ZNF629: variants seen among roughly 807,000 people sequenced by gnomAD.
ZNF629 encodes the protein zinc finger protein 629.
In ZNF629, 9 loss-of-function variants were observed where a neutral mutation model predicts 59.7. That is an observed-to-expected ratio of 0.15 (90% CI 0.09 to 0.26). The LOEUF is 0.26. Among genes scored for constraint, ZNF629 ranks in the 10% least tolerant of loss-of-function variants. The pLI is 1.00. For synonymous variants in ZNF629, 509 were observed against 498.9 expected (o/e 1.02, Z -0.27); for missense variants, 853 against 1,165.4 (o/e 0.73, Z 3.90).
chr16:30,782,378 G>A lies in ZNF629; in HGVS notation c.1950C>T (p.Phe650=), dbSNP rs1596777213. The A allele has an allele frequency of 6.3e-7, 1 of 1,580,708 alleles. No individual in the cohort carries two copies. The highest frequency in any genetic ancestry group is 8.6e-7 in the Non-Finnish European group (1 of 1,163,306). Residue 650 remains phenylalanine (F), a synonymous_variant, in exon 3 of 3, where the codon TTC becomes TTT. Coordinates refer to ENST00000262525, the MANE Select transcript of ZNF629 (RefSeq NM_001080417.3). Reference sequence around the variant, plus strand: ...AGGACAGCAGCCCCCGCCTCTGGCTGAAGCCCTCCTGACCCTCCGGCGGCT... The same window carrying A: ...AGGACAGCAGCCCCCGCCTCTGGCTAAAGCCCTCCTGACCCTCCGGCGGCT... ...PLKPPEGQEG[F]SQRRGLLSSK...
At position 30,781,928 on chromosome 16, in the gene ZNF629, G is replaced by C; in HGVS notation, c.2400C>G (p.Asp800Glu). 6.5e-7 allele frequency: 1 copy of C among 1,536,236 alleles called. No individual in the cohort carries two copies. The highest frequency in any genetic ancestry group is 8.8e-7 in the Non-Finnish European group (1 of 1,141,584). ...ACAGGGTGACTGCCTCTGGAGGGGG[G>C]TCCTCGGGATTGGGGGGTTTTTCCT... ...HTQEKPPNPE[D>E]PPPEAVTLST... Residue 800 changes from aspartate (D) to glutamate (E), a missense_variant, in exon 3 of 3, where the codon GAC becomes GAG. Transcript: ENST00000262525.
rs770704576 is a variant in ZNF629 at position 30,782,579 on chromosome 16, G to C, written c.1749C>G (p.Ile583Met). Residue 583 changes from isoleucine to methionine, a missense_variant, in exon 3 of 3, where the codon ATC (isoleucine) becomes ATG (methionine). Coordinates refer to ENST00000262525, the MANE Select transcript of ZNF629 (RefSeq NM_001080417.3). ...TGTGGATCCTCTGATGTTGCATGAA[G>C]ATGCCCTCGTCGTTGAAGCCCTTTC... Reference protein sequence around the residue: ...VCGKGFNDEGIFMQHQRIHIG... With the variant: ...VCGKGFNDEGMFMQHQRIHIG... 4.5e-6 allele frequency: 7 copies of C among 1,561,316 alleles called. No individual in the cohort carries two copies. The highest frequency in any genetic ancestry group is 6.1e-6 in the Non-Finnish European group (7 of 1,152,102).
chr16:30,784,290 C>T (rs945298723), intron 2 of ZNF629, 36 bp from the exon 3 acceptor site: 3 of 1,573,826 alleles, frequency 1.9e-6, no homozygotes, highest in Non-Finnish European at 2.6e-6. Flanking sequence ...CCCCCAGCCC[C>T]TTTCAGAACA....
At position 30,782,961 on chromosome 16, in the gene ZNF629, T is replaced by G; in HGVS notation, c.1367A>C (p.Lys456Thr). ...GCCGCAGTCGGAACACTTGTAGGGC[T>G]TCTCACCGGTGTGGATGCGCTGGTG... ...IRHQRIHTGE[K>T]PYKCSDCGKS... Residue 456 changes from lysine to threonine, a missense_variant, in exon 3 of 3, where the codon AAG becomes ACG. Lys to Thr is a moderately conservative substitution (Grantham distance 78). This residue lies in a region of ZNF629 where 201 missense variants were observed against 536.5 expected (regional missense o/e 0.37). Coordinates refer to ENST00000262525, the MANE Select transcript of ZNF629 (RefSeq NM_001080417.3). 6.2e-7 allele frequency: 1 copy of G among 1,613,768 alleles called. No homozygotes were observed. Among genetic ancestry groups the G allele is most frequent in the Non-Finnish European group, 8.5e-7 (1 of 1,179,950 alleles).
intron 1 of ZNF629, 33 bp from the exon 2 acceptor site, chr16:30,784,548 G>A: frequency 6.9e-7 from 1 of 1,457,598 alleles, no homozygotes; most frequent in Non-Finnish European, 9.1e-7. Context: ...GCGCACACTG[G>A]GAGCTGATTT....
Position 30,784,090 on chromosome 16 carries a change from G to A in ZNF629, c.238C>T (p.Leu80=). 2 of 1,603,642 alleles carry A rather than the reference G, an allele frequency of 1.2e-6. No individual in the cohort carries two copies. The highest frequency in any genetic ancestry group is 1.7e-6 in the Non-Finnish European group (2 of 1,177,186). ...TGGTCCAAGGGATTGGAGTGACCCA[G>A]TGGGGTTGGGGGGTTCTGGGGGACA... ...PSVPQNPPTP[L]GHSNPLDHQI... is the part of the protein sequence containing the mutation. The change falls in exon 3 of 3, where the codon CTG becomes TTG. Residue 80 remains leucine, a synonymous_variant. Coordinates refer to ENST00000262525, the MANE Select transcript of ZNF629 (RefSeq NM_001080417.3).
Position 30,783,645 on chromosome 16 carries a change from T to A in ZNF629, c.683A>T (p.His228Leu). 6.2e-7 allele frequency: 1 copy of A among 1,613,978 alleles called. No individual in the cohort carries two copies. Among genetic ancestry groups the A allele is most frequent in the Non-Finnish European group, 8.5e-7 (1 of 1,179,910 alleles). Reference protein sequence around the residue: ...SSNLVQHQRTHTGEKPYKCTE... With the variant: ...SSNLVQHQRTLTGEKPYKCTE... ...GCACTTGTAGGGCTTCTCTCCCGTG[T>A]GCGTGCGCTGGTGCTGCACCAGGTT... The change falls in exon 3 of 3, where the codon CAC becomes CTC. Residue 228 changes from histidine (H) to leucine (L), a missense_variant. By Grantham distance (99) the His-to-Leu change is moderately conservative. Around this residue, in one of 3 missense-constraint regions of ZNF629, gnomAD observed 201 missense variants for 536.5 expected, o/e 0.37. Coordinates refer to ENST00000262525, the MANE Select transcript of ZNF629 (RefSeq NM_001080417.3).
Position 30,786,726 on chromosome 16 carries a change from C to G in ZNF629, c.-34+302G>C, listed in dbSNP as rs1008809012. Among the ~76,000 whole-genome samples, 5 of 152,020 alleles carry G rather than the reference C, an allele frequency of 3.3e-5. No individual in the cohort carries two copies. The highest frequency in any genetic ancestry group is 4.1e-4 in the South Asian group (2 of 4,822). On this transcript the variant is annotated intron_variant, in intron 1 of 2. Transcript: ENST00000262525. This position sits in a 1 kb window ranked among gnomAD's most constrained non-coding sequence, Gnocchi z 4.8. Reference sequence around the variant, plus strand: ...CGCCCCTGCCCCGGCCCCCGGGGTCCCGGCTCCTTCCAGCACTGCCAGGCT... The same window carrying G: ...CGCCCCTGCCCCGGCCCCCGGGGTCGCGGCTCCTTCCAGCACTGCCAGGCT...
chr16:30,782,199 C>T lies in ZNF629; in HGVS notation c.2129G>A (p.Ser710Asn). ...TTCAGGGCATTTAAAGGGCTTCCCA[C>T]TTAAGAAGGGGCTGGGCCCTGCGCC... Reference protein sequence around the residue: ...GEGAGPSPFLSGKPFKCPECK... With the variant: ...GEGAGPSPFLNGKPFKCPECK... The change falls in exon 3 of 3, where the codon AGT becomes AAT. Residue 710 changes from serine to asparagine, a missense_variant. Physicochemically the swap from Ser to Asn is conservative, Grantham distance 46. Transcript: ENST00000262525. The T allele has an allele frequency of 1.2e-6, 2 of 1,613,690 alleles. No homozygotes were observed.
chr16:30,784,222 G>A lies in ZNF629; in HGVS notation c.106C>T (p.Arg36Trp), dbSNP rs370922677. 3.9e-5 allele frequency: 62 copies of A among 1,605,732 alleles called. No homozygotes were observed. The highest frequency in any genetic ancestry group is 5.1e-5 in the Non-Finnish European group (60 of 1,178,214). Residue 36 changes from arginine (R) to tryptophan (W), a missense_variant, in exon 3 of 3, where the codon CGG becomes TGG. Arg to Trp is a moderately radical substitution (Grantham distance 101). Coordinates refer to ENST00000262525, the MANE Select transcript of ZNF629 (RefSeq NM_001080417.3). ...ATCTCCTCCCCAGAACTTTCCTGCC[G>A]AGGGCTCTCCTCTTCGTTTTCACTC... ...AESENEEESPRQESSGEEIIM... is the reference protein window; with the variant it reads ...AESENEEESPWQESSGEEIIM...
chr16:30,784,033 C>T lies in ZNF629; in HGVS notation c.295G>A (p.Val99Ile). Reference protein sequence around the residue: ...QIPLDPPAPEVVPTPSDWTKA... With the variant: ...QIPLDPPAPEIVPTPSDWTKA... ...GTCCAGTCAGATGGGGTAGGGACTA[C>T]CTCCGGGGCTGGGGGGTCCAGGGGG... is the stretch of plus-strand genomic sequence containing the variant. The change falls in exon 3 of 3, where the codon GTA becomes ATA. Residue 99 changes from valine to isoleucine, a missense_variant. By Grantham distance (29) the Val-to-Ile change is conservative. This residue lies in a region of ZNF629 where 232 missense variants were observed against 193.4 expected (regional missense o/e 1.20). Transcript: ENST00000262525. 3 of 1,578,120 alleles carry T rather than the reference C, an allele frequency of 1.9e-6. No individual in the cohort carries two copies. Among genetic ancestry groups the T allele is most frequent in the Non-Finnish European group, 1.7e-6 (2 of 1,163,606 alleles).
rs759185714 is a variant in ZNF629, at chr16:30,782,439, G to C, written c.1889C>G (p.Ala630Gly). ...PFRGNSYPGAAEGRAEAPGQP... is the reference protein window; with the variant it reads ...PFRGNSYPGAGEGRAEAPGQP... ...TCCGGGGGCCTCCGCTCTGCCCTCC[G>C]CAGCCCCGGGGTAGGAATTCCCTCT... is the stretch of plus-strand genomic sequence containing the variant. Residue 630 changes from alanine (A) to glycine (G), a missense_variant, in exon 3 of 3, where the codon GCG (alanine) becomes GGG (glycine). By Grantham distance (60) the Ala-to-Gly change is moderately conservative (BLOSUM62 0). This residue lies in a region of ZNF629 where 420 missense variants were observed against 435.6 expected (regional missense o/e 0.96). Transcript: ENST00000262525. The C allele has an allele frequency of 1.3e-6, 2 of 1,565,482 alleles. No individual in the cohort carries two copies.
chr16:30,779,281 C>G lies in ZNF629; in HGVS notation c.*2437G>C, dbSNP rs2054261109. The stretch of plus-strand genomic sequence containing the variant: ...GCCTCCCCCCAGACTGGCCTCTGAG[C>G]CCCAAAAGCTGCTCCCCAGGCCTCT... On this transcript the variant is annotated 3_prime_UTR_variant, in exon 3 of 3. Coordinates refer to ENST00000262525, the MANE Select transcript of ZNF629 (RefSeq NM_001080417.3). The G allele has an allele frequency of 6.6e-6, 1 of 152,300 alleles. No homozygotes were observed. Among genetic ancestry groups the G allele is most frequent in the African/African-American group, 2.4e-5 (1 of 41,458 alleles). The allele number at this position is 152,300 out of a possible 1,614,324, so 9.4% of individuals were successfully genotyped here.
rs780118049 is a variant in ZNF629 at position 30,782,405 on chromosome 16, A to T, written c.1923T>A (p.Leu641=). ...AGCCCTCCTGACCCTCCGGCGGCTT[A>T]AGGGGCTGTCCGGGGGCCTCCGCTC... ...EGRAEAPGQP[L]KPPEGQEGFS... Residue 641 remains leucine, a synonymous_variant, in exon 3 of 3, where the codon CTT becomes CTA. Transcript: ENST00000262525. The T allele has an allele frequency of 3.2e-6, 5 of 1,570,046 alleles. No homozygotes were observed. The East Asian group carries it at 1.2e-4, about 37-fold the overall frequency.
Position 30,785,712 on chromosome 16 carries a change from T to A in ZNF629, c.-33-1197A>T, listed in dbSNP as rs150339626. Among the ~76,000 whole-genome samples the A allele has an allele frequency of 1.8e-3, 271 of 152,178 alleles. 1 individual carries two copies. Among genetic ancestry groups the A allele is most frequent in the Middle Eastern group, 6.8e-3 (2 of 294 alleles). ...CTGTTTCCCAAGCCTAGCCTGGCAC[T>A]GAATAGGTGCTCCAGAAACTTTGTT... On this transcript the variant is annotated intron_variant, in intron 1 of 2. Transcript: ENST00000262525.
chr16:30,786,539 G>A lies in ZNF629; in HGVS notation c.-34+489C>T, dbSNP rs149581348. 9.9e-4 allele frequency among the ~76,000 whole-genome samples: 151 copies of A among 152,290 alleles called. 1 individual carries two copies. The highest frequency in any genetic ancestry group is 7.9e-3 in the East Asian group (41 of 5,160). On this transcript the variant is annotated intron_variant, in intron 1 of 2. Transcript: ENST00000262525. The surrounding 1 kb of genome is among the most constrained non-coding windows in gnomAD (Gnocchi z 4.8). ...CCCCACTGCAGAGGGAGGGAATGAG[G>A]AGCCGCCTCCCGAGAGATGTGGGGA...
Position 30,784,427 on chromosome 16 carries a change from G to T in ZNF629, c.56C>A (p.Pro19His). 1 of 1,567,988 alleles carries T rather than the reference G, an allele frequency of 6.4e-7. No individual in the cohort carries two copies. Residue 19 changes from proline (P) to histidine (H), a missense_variant, in exon 2 of 3, where the codon CCC becomes CAC. Pro to His is a moderately conservative substitution (Grantham distance 77, BLOSUM62 -2). Transcript: ENST00000262525. The stretch of plus-strand genomic sequence containing the variant: ...CCCCTCACCTCTGTGAGCATCGTTG[G>T]GGCTCTGTTCCGGACCCTGCAGATC... ...GPDLQGPEQS[P>H]NDAHRGAESE...
Position 30,782,598 on chromosome 16 carries a change from C to T in ZNF629, c.1730G>A (p.Gly577Asp). Residue 577 changes from glycine (G) to aspartate (D), a missense_variant, in exon 3 of 3, where the codon GGC (glycine) becomes GAC (aspartate). Gly to Asp is a moderately conservative substitution (Grantham distance 94, BLOSUM62 -1). This residue lies in a region of ZNF629 where 420 missense variants were observed against 435.6 expected (regional missense o/e 0.96). Transcript: ENST00000262525. ...KPHKCLVCGK[G>D]FNDEGIFMQH... is the part of the protein sequence containing the mutation. ...CATGAAGATGCCCTCGTCGTTGAAG[C>T]CCTTTCCGCACACGAGACACTTGTG... 3 of 1,563,106 alleles carry T rather than the reference C, an allele frequency of 1.9e-6. No individual in the cohort carries two copies. Among genetic ancestry groups the T allele is most frequent in the Non-Finnish European group, 2.6e-6 (3 of 1,153,214 alleles).
rs2054261366 is a variant in ZNF629 at position 30,779,328 on chromosome 16, C to T, written c.*2390G>A. The T allele has an allele frequency of 6.6e-6, 1 of 152,228 alleles. No homozygotes were observed. The highest frequency in any genetic ancestry group is 2.4e-5 in the African/African-American group (1 of 41,422). The allele number at this position is 152,228 out of a possible 1,614,324, so 9.4% of individuals were successfully genotyped here. On this transcript the variant is annotated 3_prime_UTR_variant, in exon 3 of 3. Transcript: ENST00000262525. ...CTCTTCTGGGAACAGATTCCTTAGG[C>T]CTGTTTTTGAGAGCATCTGCTTCTG...
Sources: allele counts gnomAD v4.1 joint callset (sites outside exome capture counted in the v4.1 genomes callset), GRCh38; gene constraint gnomAD v4.1.1; regional missense constraint gnomAD v4.1.1; non-coding constraint Gnocchi (gnomAD v3.1); transcripts MANE v1.5; gene names NCBI Gene and HGNC (gene_info 2026-07-23, HGNC 2026-07-21).